SPATA22: variants seen among roughly 807,000 people sequenced by gnomAD.
SPATA22 encodes the protein spermatogenesis associated 22, also known as spermatogenesis-associated protein 22.
A neutral mutation model predicts 47.8 loss-of-function variants in SPATA22; 29 were observed. The observed-to-expected ratio is 0.61, with a 90% confidence interval of 0.45 to 0.83. The LOEUF (loss-of-function observed/expected upper bound fraction) is 0.83, where lower values mean the gene tolerates loss of function less well. Among genes scored for constraint, SPATA22 ranks in the 40% least tolerant of loss-of-function variants. SPATA22 has a pLI of 0.00. For missense variants in SPATA22, 410 were observed against 421.7 expected, an observed-to-expected ratio of 0.97 and a Z score of 0.24; for synonymous variants, 133 against 140.9, an observed-to-expected ratio of 0.94 and a Z score of 0.40.
chr17:3,462,651 G>A (rs1201631715), intron 4 of SPATA22, 56 bp downstream of exon 4: 1 of 1,572,206 alleles, frequency 6.4e-7, no homozygotes, highest in Non-Finnish European at 8.8e-7. Context: ...ATACGTAGAA[G>A]AACAACATCA....
At chr17:3,504,886 A>G (rs987271699) in intron 1 of SPATA22, among the ~76,000 whole-genome samples, 2 of 152,136 alleles carry the variant, frequency 1.3e-5, no homozygotes, top group African/African-American at 2.4e-5. Context: ...ACACTCAACA[A>G]TTCCCCTGTT....
intron 5 of SPATA22, among the ~76,000 whole-genome samples, chr17:3,456,153 C>T (rs1052798326): frequency 6.6e-6 from 1 of 151,960 alleles, no homozygotes; most frequent in Non-Finnish European, 1.5e-5. Context: ...AAAGAAAAAG[C>T]GAACACATTC....
At chr17:3,451,287 A>G (rs532207043) in intron 5 of SPATA22, among the ~76,000 whole-genome samples, 2 of 152,336 alleles carry the variant, frequency 1.3e-5, no homozygotes, top group African/African-American at 4.8e-5. Flanking sequence ...TATACATCCA[A>G]TATCAGAGCA....
At chr17:3,499,146 C>G (rs757610508) in intron 1 of SPATA22, 119 of 1,557,598 alleles carry the variant, frequency 7.6e-5, no homozygotes, top group Non-Finnish European at 1.0e-4. Context: ...AGTCTGTAAG[C>G]TCCTTAAGAG....
At chr17:3,471,284 C>T (rs1396610989) in intron 1 of SPATA22, 3 of 331,666 alleles carry the variant, frequency 9.0e-6, no homozygotes, top group African/African-American at 2.2e-5. Flanking sequence ...TCTCCACCGG[C>T]GCAACTCACA....
intron 5 of SPATA22, 58 bp downstream of exon 5, chr17:3,462,425 G>C: frequency 8.3e-7 from 1 of 1,203,276 alleles, no homozygotes; most frequent in East Asian, 2.4e-5. Flanking sequence ...GAAGAATGAA[G>C]AGGAAGACAG....
chr17:3,472,185 C>T (rs1370956017), upstream of SPATA22: 1 of 152,348 alleles, frequency 6.6e-6, no homozygotes, highest in African/African-American at 2.4e-5. Flanking sequence ...CGAAGGCCAC[C>T]CGAGGTGTCT....
At chr17:3,476,108 C>T (rs538467943), upstream of SPATA22, 87 of 1,531,606 alleles carry the variant, frequency 5.7e-5, no homozygotes, top group East Asian at 1.7e-3. Context: ...AATCGAATTT[C>T]CTTTGATCTC....
intron 1 of SPATA22, among the ~76,000 whole-genome samples, chr17:3,477,626 G>A (rs1367724979): frequency 1.3e-4 from 20 of 151,908 alleles, no homozygotes; most frequent in Non-Finnish European, 1.5e-5. Flanking sequence ...GTAATTTTTT[G>A]TATTTTTAGT....
chr17:3,481,872 T>G, intron 1 of SPATA22: 2 of 1,345,012 alleles, frequency 1.5e-6, no homozygotes, highest in Non-Finnish European at 2.1e-6. Context: ...TGTGAGACAA[T>G]CAGAAAACAG....
chr17:3,455,036 T>C (rs916257739), intron 5 of SPATA22, among the ~76,000 whole-genome samples: 3 of 152,176 alleles, frequency 2.0e-5, no homozygotes, highest in African/African-American at 7.2e-5. Flanking sequence ...TGATTTGCAT[T>C]TCTCTGATGG....
chr17:3,507,110 C>T (rs1051490583), intron 1 of SPATA22, among the ~76,000 whole-genome samples: 27 of 151,990 alleles, frequency 1.8e-4, no homozygotes, highest in Non-Finnish European at 2.9e-5. Context: ...AAGGTGTTTC[C>T]AACTTATGGC....
chr17:3,482,438 C>T (rs1369822884), intron 1 of SPATA22, among the ~76,000 whole-genome samples: 1 of 152,170 alleles, frequency 6.6e-6, no homozygotes, highest in East Asian at 1.9e-4. Flanking sequence ...GAACTGTATG[C>T]TTATTTCTGT....
chr17:3,457,151 C>G (rs1222961570), intron 5 of SPATA22, among the ~76,000 whole-genome samples: 1 of 151,998 alleles, frequency 6.6e-6, no homozygotes, highest in South Asian at 2.1e-4. Flanking sequence ...GACAGGGATG[C>G]CCTCTCTCAC....
At chr17:3,495,646 G>A (rs1275641490) in intron 1 of SPATA22, among the ~76,000 whole-genome samples, 8 of 152,198 alleles carry the variant, frequency 5.3e-5, no homozygotes, top group African/African-American at 1.4e-4. Context: ...TCAGCTCACT[G>A]CAAGCTCCAC....
At chr17:3,496,145 G>T (rs536028144) in intron 1 of SPATA22, among the ~76,000 whole-genome samples, 1 of 152,274 alleles carries the variant, frequency 6.6e-6, no homozygotes, top group South Asian at 2.1e-4. Flanking sequence ...ATAATGAATG[G>T]CTCAGTATTC....
In SPATA22 at chr17:3,440,177, C is replaced by G. The variant is rs896620686; in HGVS notation, c.1062G>C (p.Gln354His). The change falls in exon 9 of 9, where the codon CAG (glutamine) becomes CAC (histidine). Residue 354 changes from glutamine (Q) to histidine (H), a missense_variant. Gln to His is a conservative substitution (Grantham distance 24). Transcript: ENST00000572969. ...AFVKIADVEM[Q>H]YYINVMNET is the part of the protein sequence containing the mutation. ...TTTCATTCATCACATTAATATAATA[C>G]TGCATCTCAACATCTGCAATTTTGA... 10 of 1,606,256 alleles carry G rather than the reference C, an allele frequency of 6.2e-6. No homozygotes were observed. Among genetic ancestry groups the G allele is most frequent in the Non-Finnish European group, 8.5e-6 (10 of 1,176,702 alleles).
chr17:3,473,355 T>A (rs1444968223), upstream of SPATA22, among the ~76,000 whole-genome samples: 1 of 152,176 alleles, frequency 6.6e-6, no homozygotes, highest in Admixed American at 6.5e-5. Flanking sequence ...ATCTTATGTA[T>A]AATATTTAAC....
Position 3,481,376 on chromosome 17 carries a change from C to T in SPATA22, c.-73-11978G>A, listed in dbSNP as rs116428477. Among the ~76,000 whole-genome samples, 1,118 of 152,168 alleles carry T rather than the reference C, an allele frequency of 7.3e-3. 14 individuals carry two copies. Among genetic ancestry groups the T allele is most frequent in the African/African-American group, 0.025 (1,027 of 41,516 alleles). ...ATTCATGACCAGCCACATAAATGCA[C>T]GTATTACTTCGCAAGCATGCCAATG... On this transcript the variant is annotated intron_variant, in intron 1 of 8. Coordinates refer to the SPATA22 transcript ENST00000541913.
Sources: allele counts gnomAD v4.1 joint callset (sites outside exome capture counted in the v4.1 genomes callset), GRCh38; gene constraint gnomAD v4.1.1; transcripts MANE v1.5; gene names NCBI Gene and HGNC (gene_info 2026-07-23, HGNC 2026-07-21).